Variants in DYNC2H1 observed in about 807,000 individuals in gnomAD.
The protein encoded by DYNC2H1 is dynein cytoplasmic 2 heavy chain 1.
A neutral mutation model predicts 570.0 loss-of-function variants in DYNC2H1; 410 were observed. The observed-to-expected ratio is 0.72, with a 90% confidence interval of 0.66 to 0.78. DYNC2H1 has a LOEUF of 0.78. Among genes scored for constraint, DYNC2H1 ranks in the 30% least tolerant of loss-of-function variants. The pLI, the probability that DYNC2H1 is intolerant of heterozygous loss-of-function variation, is 0.00. For synonymous variants in DYNC2H1, 1,688 were observed against 1,677.6 expected, an observed-to-expected ratio of 1.01 and a Z score of -0.15; for missense variants, 4,865 against 5,046.4, an observed-to-expected ratio of 0.96 and a Z score of 1.09.
intron 47 of DYNC2H1, 138 bp from the exon 48 acceptor site, chr11:103,197,795 T>C: frequency 1.1e-6 from 1 of 933,466 alleles, no homozygotes; most frequent in South Asian, 1.8e-5. Flanking sequence ...ATGTACACTT[T>C]AAAGTATTTT....
At chr11:103,368,341 C>T (rs901185052) in intron 83 of DYNC2H1, among the ~76,000 whole-genome samples, 3 of 152,004 alleles carry the variant, frequency 2.0e-5, no homozygotes, top group African/African-American at 7.2e-5. Flanking sequence ...ATTTGCATTT[C>T]TCTGATTAAT....
At chr11:103,390,067 T>C (rs1942070675) in intron 83 of DYNC2H1, among the ~76,000 whole-genome samples, 1 of 152,272 alleles carries the variant, frequency 6.6e-6, no homozygotes, top group East Asian at 1.9e-4. Flanking sequence ...AATTTCTGTC[T>C]TGTGGATCTG....
intron 12 of DYNC2H1, among the ~76,000 whole-genome samples, chr11:103,127,041 G>C (rs1033483444): frequency 1.2e-4 from 19 of 152,166 alleles, no homozygotes; most frequent in African/African-American, 4.6e-4. Flanking sequence ...ATAGAGGTAG[G>C]AAGTTTCAAT....
intron 84 of DYNC2H1, among the ~76,000 whole-genome samples, chr11:103,410,177 T>C (rs1943023416): frequency 6.6e-6 from 1 of 152,106 alleles, no homozygotes; most frequent in Admixed American, 6.6e-5. Flanking sequence ...AGAGAGATTT[T>C]AGTAATAGGG....
intron 50 of DYNC2H1, among the ~76,000 whole-genome samples, chr11:103,200,682 A>T (rs747168126): frequency 5.3e-5 from 8 of 152,214 alleles, no homozygotes; most frequent in Non-Finnish European, 8.8e-5. Flanking sequence ...CAGATATATG[A>T]AATTCCACAT....
chr11:103,131,064 A>G (rs1158853882), intron 13 of DYNC2H1, among the ~76,000 whole-genome samples: 2 of 152,166 alleles, frequency 1.3e-5, no homozygotes, highest in Admixed American at 1.3e-4. Flanking sequence ...CCTATATTCC[A>G]GAGACTTACT....
chr11:103,143,081 G>A (rs1860043528), intron 17 of DYNC2H1, among the ~76,000 whole-genome samples, 187 bp from the exon 18 acceptor site: 1 of 152,134 alleles, frequency 6.6e-6, no homozygotes, highest in African/African-American at 2.4e-5. Context: ...CACTGCATTT[G>A]CATATTAAAT....
intron 84 of DYNC2H1, among the ~76,000 whole-genome samples, chr11:103,421,501 A>T (rs1034863206): frequency 6.6e-6 from 1 of 152,168 alleles, no homozygotes; most frequent in African/African-American, 2.4e-5. Flanking sequence ...AATCATAACA[A>T]ACGGTCTCTT....
intron 52 of DYNC2H1, among the ~76,000 whole-genome samples, chr11:103,207,904 G>T (rs892153822): frequency 6.6e-6 from 1 of 152,102 alleles, no homozygotes; most frequent in African/African-American, 2.4e-5. Flanking sequence ...GATTTACCAT[G>T]GAATTTAAGT....
chr11:103,446,531 T>A lies in DYNC2H1; in HGVS notation c.12457-8655T>A, dbSNP rs1402797778. Among the ~76,000 whole-genome samples the A allele has an allele frequency of 2.0e-5, 3 of 152,138 alleles. No individual in the cohort carries two copies. The highest frequency in any genetic ancestry group is 4.4e-5 in the Non-Finnish European group (3 of 68,018). On this transcript the variant is annotated intron_variant, in intron 85 of 88. Transcript: ENST00000375735. The surrounding 1 kb of genome is among the most constrained non-coding windows in gnomAD (Gnocchi z 4.5). ...GAAGTTCTAAAGAATGAAAGCCTGG[T>A]CATATGAGTTTAAAAAAGAATAAGG...
chr11:103,218,709 A>G (rs1394637326), intron 55 of DYNC2H1, among the ~76,000 whole-genome samples: 1 of 152,208 alleles, frequency 6.6e-6, no homozygotes, highest in Non-Finnish European at 1.5e-5. Flanking sequence ...AGTAATACAC[A>G]TTGAGTATCT....
chr11:103,416,081 A>G (rs1943270192), intron 84 of DYNC2H1, among the ~76,000 whole-genome samples: 1 of 152,194 alleles, frequency 6.6e-6, no homozygotes, highest in Admixed American at 6.5e-5. Flanking sequence ...GTTCTCACTC[A>G]TAGGTGGGAA....
At chr11:103,150,715 C>T (rs904582456) in intron 20 of DYNC2H1, among the ~76,000 whole-genome samples, 1 of 152,070 alleles carries the variant, frequency 6.6e-6, no homozygotes, top group Admixed American at 6.6e-5. Context: ...GGTGTAAGAC[C>T]AGGCTTGAAC....
At chr11:103,273,197 T>G (rs1309967677) in intron 70 of DYNC2H1, among the ~76,000 whole-genome samples, 2 of 151,618 alleles carry the variant, frequency 1.3e-5, no homozygotes, top group Non-Finnish European at 2.9e-5. Flanking sequence ...TTTCTTTTCT[T>G]CTTTCTTTTT....
At chr11:103,406,020 A>G (rs1355628399) in intron 84 of DYNC2H1, among the ~76,000 whole-genome samples, 1 of 151,962 alleles carries the variant, frequency 6.6e-6, no homozygotes, top group African/African-American at 2.4e-5. Flanking sequence ...GTTGATTAGG[A>G]TGTTTAGCTG....
At chr11:103,396,445 C>T (rs776381615) in intron 83 of DYNC2H1, among the ~76,000 whole-genome samples, 8 of 152,208 alleles carry the variant, frequency 5.3e-5, no homozygotes, top group Non-Finnish European at 1.0e-4. Context: ...CAAAGTCTGA[C>T]GTGTTTACTC....
intron 15 of DYNC2H1, among the ~76,000 whole-genome samples, chr11:103,134,992 AG>A (rs1285143207): frequency 7.9e-5 from 12 of 152,168 alleles, no homozygotes; most frequent in African/African-American, 2.9e-4. Flanking sequence ...AAAAGGCAAA[AG>A]TACTACTAGA....
intron 21 of DYNC2H1, 33 bp from the exon 22 acceptor site, chr11:103,153,270 G>T: frequency 6.7e-7 from 1 of 1,486,906 alleles, no homozygotes; most frequent in Non-Finnish European, 8.9e-7. Flanking sequence ...ATTTTACTCT[G>T]CATTAAATTA....
In DYNC2H1 at chr11:103,201,066, A is replaced by T. The variant is rs1462318630; in HGVS notation, c.8197+912A>T. On this transcript the variant is annotated intron_variant, in intron 50 of 88. Transcript: ENST00000375735. The surrounding 1 kb of genome is among the most constrained non-coding windows in gnomAD (Gnocchi z 4.8). ...GGTCTCGAACTCCTGACTTCAGGTG[A>T]TCCTCCCGCCTTGGCCTCCCAAAGT... is the stretch of plus-strand genomic sequence containing the variant. Among the ~76,000 whole-genome samples, 2 of 152,122 alleles carry T rather than the reference A, an allele frequency of 1.3e-5. No homozygotes were observed. The highest frequency in any genetic ancestry group is 1.3e-4 in the Admixed American group (2 of 15,264).
Sources: gnomAD v4.1 joint callset for allele counts (sites outside exome capture counted in the v4.1 genomes callset) on GRCh38, gnomAD v4.1.1 for gene constraint, Gnocchi (gnomAD v3.1) non-coding constraint, MANE v1.5 for transcripts, NCBI Gene and HGNC (gene_info 2026-07-23, HGNC 2026-07-21) for gene names.